Variants in ZHX3 observed in about 807,000 individuals in gnomAD.
The protein encoded by ZHX3 is zinc fingers and homeoboxes 3.
Under a neutral mutation model 64.5 loss-of-function variants are expected in ZHX3, and 20 were observed. The ratio of observed to expected loss-of-function variants is 0.31; its 90% CI spans 0.22 to 0.45. ZHX3 has a LOEUF of 0.45. ZHX3 is among the 20% of genes least tolerant of loss of function. The pLI is 1.00. For synonymous variants in ZHX3, 423 were observed against 461.6 expected, an observed-to-expected ratio of 0.92 and a Z score of 1.07; for missense variants, 1,041 against 1,195.8, an observed-to-expected ratio of 0.87 and a Z score of 1.91.
chr20:41,290,502 C>T (rs893910255), intron 1 of ZHX3: 2 of 152,260 alleles, frequency 1.3e-5, no homozygotes, highest in African/African-American at 4.8e-5. Context: ...ACAGCCCTAA[C>T]TCCTGGGCTA....
intron 2 of ZHX3, chr20:41,267,716 G>T (rs1388315815): frequency 6.6e-6 from 1 of 152,228 alleles, no homozygotes; most frequent in Non-Finnish European, 1.5e-5. Context: ...TAACTTTGGA[G>T]CAGAAACCTG....
intron 2 of ZHX3, among the ~76,000 whole-genome samples, chr20:41,230,097 C>G (rs2040504746): frequency 6.6e-6 from 1 of 152,112 alleles, no homozygotes; most frequent in Non-Finnish European, 1.5e-5. Context: ...TCTCTCCATT[C>G]TACTCCATTG....
At chr20:41,276,403 A>G (rs1162211046) in intron 1 of ZHX3, among the ~76,000 whole-genome samples, 4 of 152,082 alleles carry the variant, frequency 2.6e-5, no homozygotes, top group Non-Finnish European at 1.5e-5. Flanking sequence ...GCTGCTGGGG[A>G]GAGGAAGCGC....
rs188377414 is a variant in ZHX3, at chr20:41,195,016, A to G, written c.2860+7041T>C. 6.8e-4 allele frequency among the ~76,000 whole-genome samples: 103 copies of G among 152,126 alleles called. No individual in the cohort carries two copies. Among genetic ancestry groups the G allele is most frequent in the Admixed American group, 1.4e-3 (22 of 15,258 alleles). ...CAACTTTTGGTTTCATTGATTCTCTATATCTGCTCTAACCTTTATTTCCTT... is the reference window on the plus strand; with the variant it reads ...CAACTTTTGGTTTCATTGATTCTCTGTATCTGCTCTAACCTTTATTTCCTT... On this transcript the variant is annotated intron_variant, in intron 3 of 3. Transcript: ENST00000683867. This position sits in a 1 kb window ranked among gnomAD's most constrained non-coding sequence, Gnocchi z 4.2.
In ZHX3 at chr20:41,185,607, A is replaced by T; in HGVS notation, c.2861-406T>A. On this transcript the variant is annotated intron_variant, in intron 3 of 3. Coordinates refer to ENST00000683867, the MANE Select transcript of ZHX3 (RefSeq NM_001384317.1). This position sits in a 1 kb window ranked among gnomAD's most constrained non-coding sequence, Gnocchi z 5.0. ...GAACATACTGTTCCAATATAATAGC[A>T]GCTGGGTCTAGTTCTGATATGTATT... is the stretch of plus-strand genomic sequence containing the variant. 3.6e-6 allele frequency: 1 copy of T among 279,886 alleles called. No homozygotes were observed. The highest frequency in any genetic ancestry group is 6.7e-6 in the Non-Finnish European group (1 of 150,004). 17.3% of individuals were successfully genotyped at this position (279,886 alleles called of 1,614,324 possible). A position where few individuals can be genotyped will look rare whatever the true frequency, so the allele number is the denominator to read the frequency against.
At chr20:41,198,252 T>G (rs1245993122) in intron 3 of ZHX3, among the ~76,000 whole-genome samples, 2 of 152,082 alleles carry the variant, frequency 1.3e-5, no homozygotes, top group East Asian at 3.9e-4. Flanking sequence ...CGCCTCGGCC[T>G]CCCAAAGTGC....
At chr20:41,268,418 C>A (rs922595023) in intron 2 of ZHX3, among the ~76,000 whole-genome samples, 2 of 152,076 alleles carry the variant, frequency 1.3e-5, no homozygotes, top group Non-Finnish European at 2.9e-5. Flanking sequence ...AAAAAGTTTT[C>A]CCAATTTAAA....
chr20:41,252,789 A>G (rs1051584895), intron 2 of ZHX3, among the ~76,000 whole-genome samples: 8 of 152,198 alleles, frequency 5.3e-5, no homozygotes, highest in Admixed American at 1.3e-4. Flanking sequence ...TTAGAGGTTT[A>G]TAATTCTTTT....
At position 41,203,399 on chromosome 20, in the gene ZHX3, C is replaced by G; in HGVS notation, c.1518G>C (p.Leu506=). The change falls in exon 3 of 4, where the codon CTG becomes CTC. Residue 506 remains leucine, a synonymous_variant. Coordinates refer to ENST00000683867, the MANE Select transcript of ZHX3 (RefSeq NM_001384317.1). The surrounding 1 kb of genome is among the most constrained non-coding windows in gnomAD (Gnocchi z 7.1). The part of the protein sequence containing the change: ...IYKNKKSHEQ[L]SALKGSFCRN... ...GACAGAAGCTCCCTTTCAGAGCTGA[C>G]AGCTGTTCATGAGATTTCTTATTTT... The G allele has an allele frequency of 6.2e-7, 1 of 1,614,210 alleles. No homozygotes were observed. The highest frequency in any genetic ancestry group is 8.5e-7 in the Non-Finnish European group (1 of 1,180,038).
intron 1 of ZHX3, among the ~76,000 whole-genome samples, chr20:41,278,400 C>T (rs6102339): frequency 0.11 from 15,270 of 139,066 alleles, 4,450 homozygotes; most frequent in African/African-American, 0.4. Context: ...CAAAACTATC[C>T]ACTACCAAAA....
intron 1 of ZHX3, among the ~76,000 whole-genome samples, chr20:41,296,185 G>C (rs1393966931): frequency 7.7e-6 from 1 of 129,194 alleles, no homozygotes; most frequent in Non-Finnish European, 1.6e-5. Context: ...CTCATGCCAA[G>C]TTGAGTTTTT....
At chr20:41,302,096 G>A (rs769782224) in intron 1 of ZHX3, among the ~76,000 whole-genome samples, 87 of 130,076 alleles carry the variant, frequency 6.7e-4, no homozygotes, top group Non-Finnish European at 6.7e-4. Flanking sequence ...ACAGGCCACC[G>A]CAAGTGCTCT....
At chr20:41,270,527 T>A (rs1479613500) in intron 1 of ZHX3, among the ~76,000 whole-genome samples, 3 of 151,450 alleles carry the variant, frequency 2.0e-5, no homozygotes, top group Admixed American at 6.6e-5. Context: ...TACAAAAAAA[T>A]TAGCTGTGTG....
chr20:41,244,495 G>A (rs1278341070), intron 2 of ZHX3, among the ~76,000 whole-genome samples: 1 of 152,106 alleles, frequency 6.6e-6, no homozygotes, highest in Non-Finnish European at 1.5e-5. Flanking sequence ...ATAGAGTAAG[G>A]CCCTGTATCT....
intron 2 of ZHX3, among the ~76,000 whole-genome samples, chr20:41,241,075 T>G (rs1600475529): frequency 2.0e-5 from 3 of 152,354 alleles, no homozygotes; most frequent in Admixed American, 2.0e-4. Flanking sequence ...TTTTTAGTTT[T>G]TAGAGGAACC....
In ZHX3 at chr20:41,178,853, A is replaced by G. The variant is rs2036142233; in HGVS notation, c.*6338T>C. 6.6e-6 allele frequency: 1 copy of G among 152,668 alleles called. No individual in the cohort carries two copies. The highest frequency in any genetic ancestry group is 2.1e-4 in the South Asian group (1 of 4,828). The allele number at this position is 152,668 out of a possible 1,614,324, so 9.5% of individuals were successfully genotyped here. ...TGGGACCCTCTTGCAGAGTTTGGCT[A>G]AAGTTTCATTGTGCCTCAAAACAAA... On this transcript the variant is annotated 3_prime_UTR_variant, in exon 4 of 4. Coordinates refer to ENST00000683867, the MANE Select transcript of ZHX3 (RefSeq NM_001384317.1).
rs542222412 is a variant in ZHX3 at position 41,261,133 on chromosome 20, G to C, written c.-151+7857C>G. ...CACATCATTAGCAAAGAGGATCCCT[G>C]GGACATGACCTGGAAACATCTGAAA... On this transcript the variant is annotated intron_variant, in intron 2 of 3. Coordinates refer to ENST00000683867, the MANE Select transcript of ZHX3 (RefSeq NM_001384317.1). Among the ~76,000 whole-genome samples the C allele has an allele frequency of 7.9e-5, 12 of 152,232 alleles. No individual in the cohort carries two copies. The South Asian group carries it at 2.1e-3, about 26-fold the overall frequency.
intron 1 of ZHX3, among the ~76,000 whole-genome samples, chr20:41,293,578 A>T (rs1248640004): frequency 6.6e-6 from 1 of 152,252 alleles, no homozygotes; most frequent in Non-Finnish European, 1.5e-5. Context: ...GGCACACTTG[A>T]GTATACTGCT....
At position 41,317,558 on chromosome 20, in the gene ZHX3, G is replaced by A. The variant is rs985962377; in HGVS notation, c.-294C>T. On this transcript the variant is annotated 5_prime_UTR_variant, in exon 1 of 4. Transcript: ENST00000683867. ...CCCGCGACCGGGCCGCTCTTCCCGC[G>A]CTGCGGGCCTCCCTCCCCGCGGCCG... 6.8e-6 allele frequency: 1 copy of A among 147,244 alleles called. No individual in the cohort carries two copies. The highest frequency in any genetic ancestry group is 2.4e-5 in the African/African-American group (1 of 40,906). 9.1% of individuals were successfully genotyped at this position (147,244 alleles called of 1,614,324 possible).
Sources: gnomAD v4.1 joint callset for allele counts (sites outside exome capture counted in the v4.1 genomes callset) on GRCh38, gnomAD v4.1.1 for gene constraint, Gnocchi (gnomAD v3.1) non-coding constraint, MANE v1.5 for transcripts, NCBI Gene and HGNC (gene_info 2026-07-23, HGNC 2026-07-21) for gene names.